CCDC144A: variants seen among roughly 807,000 people sequenced by gnomAD.
CCDC144A encodes coiled-coil domain-containing protein 144A.
Under a neutral mutation model 143.8 loss-of-function variants are expected in CCDC144A, and 41 were observed. The observed-to-expected ratio is 0.29, with a 90% CI of 0.22 to 0.37. CCDC144A has a LOEUF of 0.37. Among genes scored for constraint, CCDC144A ranks in the 10% least tolerant of loss-of-function variants. The probability of loss-of-function intolerance (pLI) is 1.00; values close to 1 mark genes in which losing one functional copy is unlikely to be tolerated. For synonymous variants in CCDC144A, 242 were observed against 517.9 expected (o/e 0.47, Z 7.23); for missense variants, 637 against 1,488.8 (o/e 0.43, Z 9.41).
intron 15 of CCDC144A, 181 bp downstream of exon 15, chr17:16,764,356 A>C (rs1032891507): frequency 4.3e-6 from 6 of 1,388,422 alleles, no homozygotes; most frequent in African/African-American, 3.0e-5. Flanking sequence ...CTCATTGATA[A>C]GAGATTACTC....
chr17:16,680,510 T>C, the CCDC144A span, among the ~76,000 whole-genome samples: 1 of 150,312 alleles, frequency 6.7e-6, no homozygotes, highest in South Asian at 2.1e-4. Flanking sequence ...TTAACACCAC[T>C]GCACTCCAGC....
At chr17:16,746,981 A>T (rs1914565655) in intron 12 of CCDC144A, among the ~76,000 whole-genome samples, 1 of 149,544 alleles carries the variant, frequency 6.7e-6, no homozygotes, top group African/African-American at 2.5e-5. Flanking sequence ...AATTATTTTC[A>T]GAGGCTGATT....
intron 8 of CCDC144A, among the ~76,000 whole-genome samples, chr17:16,726,395 AG>A (rs1334718819): frequency 4.9e-5 from 7 of 143,596 alleles, no homozygotes; most frequent in South Asian, 4.5e-4. Context: ...AAAAAAAAAA[AG>A]AGAGATAAAA....
intron 12 of CCDC144A, among the ~76,000 whole-genome samples, chr17:16,745,213 C>T (rs1460723187): frequency 6.6e-6 from 1 of 151,596 alleles, no homozygotes; most frequent in Non-Finnish European, 1.5e-5. Context: ...GGCTCAGAGG[C>T]CACCGAGAAG....
rs1213222426 is a variant in CCDC144A at position 16,761,483 on chromosome 17, A to G, written c.3431A>G (p.Glu1144Gly). The change falls in exon 13 of 17, where the codon GAG becomes GGG. Residue 1144 changes from glutamate (E) to glycine (G), a missense_variant. By Grantham distance (98) the Glu-to-Gly change is moderately conservative (BLOSUM62 -2). Coordinates refer to ENST00000399273, the MANE Select transcript of CCDC144A (RefSeq NM_001382000.1). ...VPSRCLHLDA[E>G]NEVLQLQQTL... Reference sequence around the variant, plus strand: ...TCACGATGTCTACATCTGGATGCAGAGAATGAAGTTCTTCAACTTCAACAG... The same window carrying G: ...TCACGATGTCTACATCTGGATGCAGGGAATGAAGTTCTTCAACTTCAACAG... The G allele has an allele frequency of 6.3e-7, 1 of 1,578,098 alleles. No individual in the cohort carries two copies. The highest frequency in any genetic ancestry group is 1.4e-5 in the African/African-American group (1 of 73,740).
intron 14 of CCDC144A, among the ~76,000 whole-genome samples, chr17:16,762,989 TG>T (rs145996572): frequency 0.014 from 2,105 of 146,546 alleles, 45 homozygotes; most frequent in African/African-American, 0.054. Flanking sequence ...ACGACTACTC[TG>T]GACACATTCT....
chr17:16,758,432 G>A (rs1386019262), intron 12 of CCDC144A, among the ~76,000 whole-genome samples: 1 of 152,226 alleles, frequency 6.6e-6, no homozygotes, highest in Non-Finnish European at 1.5e-5. Flanking sequence ...CCCCTTGAGT[G>A]CATTTCTTGT....
chr17:16,741,631 AG>A (rs1914260606), intron 12 of CCDC144A, among the ~76,000 whole-genome samples: 1 of 151,540 alleles, frequency 6.6e-6, no homozygotes, highest in Admixed American at 6.6e-5. Flanking sequence ...ATTTTTTTTT[AG>A]ACATGGTGTC....
chr17:16,736,498 G>A (rs62073723), intron 12 of CCDC144A, among the ~76,000 whole-genome samples: 37,979 of 142,692 alleles, frequency 0.27, 6,276 homozygotes, highest in African/African-American at 0.46. Flanking sequence ...TACCACTGGT[G>A]TTTATAATTT....
the CCDC144A span, among the ~76,000 whole-genome samples, chr17:16,681,728 C>T: frequency 1.3e-3 from 196 of 151,978 alleles, no homozygotes; most frequent in African/African-American, 4.6e-3. Flanking sequence ...GGTGTGGTGG[C>T]GCACGCCTAT....
chr17:16,742,390 CT>C (rs1316182569), intron 12 of CCDC144A, among the ~76,000 whole-genome samples: 8 of 152,082 alleles, frequency 5.3e-5, no homozygotes, highest in Non-Finnish European at 1.2e-4. Flanking sequence ...TGATTTTATT[CT>C]TTTTTTATGG....
the CCDC144A span, among the ~76,000 whole-genome samples, chr17:16,668,704 G>T: frequency 6.6e-6 from 1 of 152,126 alleles, no homozygotes; most frequent in Non-Finnish European, 1.5e-5. Context: ...TTTACATGCT[G>T]TATTAGTCTA....
At chr17:16,742,084 T>C (rs1165140339) in intron 12 of CCDC144A, among the ~76,000 whole-genome samples, 1 of 150,568 alleles carries the variant, frequency 6.6e-6, no homozygotes, top group Non-Finnish European at 1.5e-5. Flanking sequence ...AGCAAGACTC[T>C]GTCTCAAAAA....
At chr17:16,753,325 G>A (rs1467127443) in intron 12 of CCDC144A, among the ~76,000 whole-genome samples, 2 of 149,760 alleles carry the variant, frequency 1.3e-5, no homozygotes, top group African/African-American at 2.5e-5. Flanking sequence ...TCTGTAGACT[G>A]CTTTCAGTAA....
intron 11 of CCDC144A, among the ~76,000 whole-genome samples, chr17:16,734,141 G>GAA (rs11335262): frequency 5.5e-5 from 5 of 90,408 alleles, no homozygotes; most frequent in Non-Finnish European, 4.8e-5. Flanking sequence ...ACCCTATCTC[G>GAA]AAAAAAAAAA....
chr17:16,765,838 G>A (rs1915572050), intron 15 of CCDC144A: 1 of 152,242 alleles, frequency 6.6e-6, no homozygotes, highest in Non-Finnish European at 1.5e-5. Context: ...TTGTACCACT[G>A]GGTACTAATG....
At chr17:16,751,460 G>A (rs534615565) in intron 12 of CCDC144A, among the ~76,000 whole-genome samples, 10 of 152,288 alleles carry the variant, frequency 6.6e-5, no homozygotes, top group Admixed American at 2.0e-4. Context: ...ATTTCAGCGT[G>A]TTGGCAGCAG....
intron 12 of CCDC144A, among the ~76,000 whole-genome samples, chr17:16,743,859 C>T (rs1167495757): frequency 6.6e-6 from 1 of 152,194 alleles, no homozygotes; most frequent in Non-Finnish European, 1.5e-5. Flanking sequence ...TTATAGTCCC[C>T]ACTGTCTATT....
chr17:16,688,199 T>C (rs1199211954), upstream of CCDC144A, among the ~76,000 whole-genome samples: 3 of 152,090 alleles, frequency 2.0e-5, no homozygotes, highest in Non-Finnish European at 2.9e-5. Flanking sequence ...CAGGTCACAG[T>C]CTCCACTGCA....
Sources: allele counts gnomAD v4.1 joint callset (sites outside exome capture counted in the v4.1 genomes callset), GRCh38; gene constraint gnomAD v4.1.1; transcripts MANE v1.5; gene names NCBI Gene and HGNC (gene_info 2026-07-23, HGNC 2026-07-21).